The following MYPN variants were observed in gnomAD, a reference collection of about 807,000 sequenced individuals.
MYPN encodes sarcomeric protein myopalladin, 145 kDa (MYOP).
A neutral mutation model predicts 129.4 loss-of-function variants in MYPN; 63 were observed. That is an observed-to-expected ratio of 0.49 (90% CI 0.40 to 0.60). MYPN has a LOEUF of 0.60. Ranked by LOEUF, MYPN falls within the 20% of genes least tolerant of loss-of-function variation. The pLI, the probability that MYPN is intolerant of heterozygous loss-of-function variation, is 0.00. For synonymous variants in MYPN, 629 were observed against 600.9 expected, an observed-to-expected ratio of 1.05 and a Z score of -0.68; for missense variants, 1,596 against 1,635.4, an observed-to-expected ratio of 0.98 and a Z score of 0.42.
chr10:68,111,525 T>C (rs545657447), intron 1 of MYPN, among the ~76,000 whole-genome samples: 4 of 152,352 alleles, frequency 2.6e-5, no homozygotes, highest in African/African-American at 9.6e-5. Flanking sequence ...TTTTTTAAAA[T>C]ATCTCTGTGG....
At chr10:68,142,815 G>T in intron 2 of MYPN, 125 bp from the exon 3 acceptor site, 2 of 918,590 alleles carry the variant, frequency 2.2e-6, no homozygotes, top group Non-Finnish European at 1.8e-6. Flanking sequence ...ATGTTATAAT[G>T]ATGGAGTTTT....
upstream of MYPN, among the ~76,000 whole-genome samples, chr10:68,104,480 A>T (rs1329150231): frequency 6.6e-6 from 1 of 152,210 alleles, no homozygotes; most frequent in Non-Finnish European, 1.5e-5. Context: ...CACAATAATT[A>T]TAACAAATAG....
rs781112967 is a variant in MYPN, at chr10:68,109,674, T to A, written c.-51T>A. 2.2e-6 allele frequency: 1 copy of A among 454,096 alleles called. No homozygotes were observed. The highest frequency in any genetic ancestry group is 1.6e-5 in the South Asian group (1 of 64,480). 28.1% of individuals were successfully genotyped at this position (454,096 alleles called of 1,614,324 possible). A position where few individuals can be genotyped will look rare whatever the true frequency, so the allele number is the denominator to read the frequency against. ...TCTCCCTGGATAATTATCATTGCAGTGGAGTGCCTGGATTGGACATCCTCA... is the reference window on the plus strand; with the variant it reads ...TCTCCCTGGATAATTATCATTGCAGAGGAGTGCCTGGATTGGACATCCTCA... On this transcript the variant is annotated 5_prime_UTR_variant, in exon 1 of 20. Transcript: ENST00000358913.
intron 18 of MYPN, among the ~76,000 whole-genome samples, chr10:68,203,906 C>T (rs1589616517): frequency 6.6e-6 from 1 of 152,258 alleles, no homozygotes; most frequent in South Asian, 2.1e-4. Context: ...GTTTTCATGT[C>T]CCTGCCTTCT....
At chr10:68,201,038 A>G (rs1049429911) in intron 17 of MYPN, among the ~76,000 whole-genome samples, 8 of 152,194 alleles carry the variant, frequency 5.3e-5, no homozygotes, top group Admixed American at 3.3e-4. Flanking sequence ...TGGGAAGCAC[A>G]GTCTTGTGTG....
intron 16 of MYPN, among the ~76,000 whole-genome samples, chr10:68,198,856 T>C (rs2043656398): frequency 6.9e-6 from 1 of 145,634 alleles, no homozygotes; most frequent in Non-Finnish European, 1.5e-5. Context: ...TACCATGCCC[T>C]GTTGGGGGGA....
intron 2 of MYPN, among the ~76,000 whole-genome samples, chr10:68,129,587 C>T (rs59389857): frequency 0.017 from 2,514 of 152,136 alleles, 51 homozygotes; most frequent in East Asian, 0.096. Context: ...TGAATGAGTG[C>T]GTTGGGCATA....
In MYPN at chr10:68,174,194, C is replaced by A; in HGVS notation, c.2102C>A (p.Pro701Gln). Residue 701 changes from proline (P) to glutamine (Q), a missense_variant, in exon 11 of 20, where the codon CCA (proline) becomes CAA (glutamine). Transcript: ENST00000358913. ...ACTGTTTTGAACTCCAATGCTCCCC[C>A]AGCGGTGACAACATCCAGTAAGCAG... ...SMTVLNSNAP[P>Q]AVTTSSKQVK... The A allele has an allele frequency of 6.2e-7, 1 of 1,614,074 alleles. No individual in the cohort carries two copies. Among genetic ancestry groups the A allele is most frequent in the South Asian group, 1.1e-5 (1 of 91,080 alleles).
chr10:68,148,474 G>A lies in MYPN; in HGVS notation c.1245+7G>A. 1 of 1,607,768 alleles carries A rather than the reference G, an allele frequency of 6.2e-7. No individual in the cohort carries two copies. The highest frequency in any genetic ancestry group is 8.5e-7 in the Non-Finnish European group (1 of 1,174,290). ...TGTGGCAACCATCCAGCAGGTACAAGAATCCAAGCGAAACACAAGTGCCAT... is the reference window on the plus strand; with the variant it reads ...TGTGGCAACCATCCAGCAGGTACAAAAATCCAAGCGAAACACAAGTGCCAT... On this transcript the variant is annotated splice_region_variant and intron_variant, in intron 5 of 19. Coordinates refer to ENST00000358913, the MANE Select transcript of MYPN (RefSeq NM_032578.4).
At chr10:68,118,283 G>A (rs1260889178) in intron 1 of MYPN, among the ~76,000 whole-genome samples, 1 of 152,022 alleles carries the variant, frequency 6.6e-6, no homozygotes, top group African/African-American at 2.4e-5. Flanking sequence ...ACCCATTATA[G>A]TGGCAAGCCC....
intron 10 of MYPN, among the ~76,000 whole-genome samples, chr10:68,167,979 G>T (rs2043079905): frequency 6.6e-6 from 1 of 152,186 alleles, no homozygotes; most frequent in African/African-American, 2.4e-5. Context: ...AGGATCACAG[G>T]TCAGTCCAGC....
upstream of MYPN, among the ~76,000 whole-genome samples, chr10:68,101,494 G>T (rs980250373): frequency 2.0e-5 from 3 of 152,040 alleles, no homozygotes; most frequent in African/African-American, 4.8e-5. Context: ...TCATCCTTTG[G>T]CCTGATGGTA....
chr10:68,128,216 C>T (rs1298316710), intron 2 of MYPN, among the ~76,000 whole-genome samples: 3 of 152,144 alleles, frequency 2.0e-5, no homozygotes, highest in Non-Finnish European at 4.4e-5. Context: ...AGCAAATGGC[C>T]GTGATCCTTT....
intron 2 of MYPN, among the ~76,000 whole-genome samples, chr10:68,128,217 G>A (rs147769167): frequency 1.3e-5 from 2 of 152,214 alleles, no homozygotes; most frequent in East Asian, 3.9e-4. Context: ...GCAAATGGCC[G>A]TGATCCTTTC....
At chr10:68,116,163 A>T (rs924481954) in intron 1 of MYPN, among the ~76,000 whole-genome samples, 7 of 152,218 alleles carry the variant, frequency 4.6e-5, no homozygotes, top group African/African-American at 1.7e-4. Context: ...ATAAATATTT[A>T]TTGGATGAAT....
At chr10:68,172,806 C>G (rs2043162870) in intron 10 of MYPN, among the ~76,000 whole-genome samples, 1 of 152,104 alleles carries the variant, frequency 6.6e-6, no homozygotes, top group Non-Finnish European at 1.5e-5. Context: ...GGCACGGTGG[C>G]TCGCGCCTGT....
At chr10:68,199,636 C>A in intron 17 of MYPN, 61 bp downstream of exon 17, 2 of 1,531,268 alleles carry the variant, frequency 1.3e-6, no homozygotes, top group Non-Finnish European at 1.8e-6. Flanking sequence ...CCCAAAGAGG[C>A]AGAGCCTCTG....
At chr10:68,115,285 A>G (rs1020091268) in intron 1 of MYPN, among the ~76,000 whole-genome samples, 8 of 151,650 alleles carry the variant, frequency 5.3e-5, no homozygotes, top group Admixed American at 4.6e-4. Flanking sequence ...AAAAAAGTCA[A>G]ATGACACTCT....
In MYPN at chr10:68,174,502, G is replaced by A. The variant is rs62620248; in HGVS notation, c.2410G>A (p.Gly804Arg). 40,828 of 1,613,978 alleles carry A rather than the reference G, an allele frequency of 0.025. 656 individuals are homozygous for A. Among genetic ancestry groups the A allele is most frequent in the Non-Finnish European group, 0.03 (35,935 of 1,179,982 alleles). Residue 804 changes from glycine (G) to arginine (R), a missense_variant, in exon 11 of 20, where the codon GGA becomes AGA. By Grantham distance (125) the Gly-to-Arg change is moderately radical. Coordinates refer to ENST00000358913, the MANE Select transcript of MYPN (RefSeq NM_032578.4). ...PPPFTFSIPS[G>R]NQFQPRCVSP... The stretch of plus-strand genomic sequence containing the variant: ...ACCATTCACATTTTCCATCCCCAGC[G>A]GAAACCAGTTTCAGCCCCGCTGTGT...
Sources: allele counts gnomAD v4.1 joint callset (sites outside exome capture counted in the v4.1 genomes callset), GRCh38; gene constraint gnomAD v4.1.1; transcripts MANE v1.5; gene names NCBI Gene and HGNC (gene_info 2026-07-23, HGNC 2026-07-21).